MCTP1: variants seen among roughly 807,000 people sequenced by gnomAD.
MCTP1 encodes the protein multiple C2 and transmembrane domain containing 1.
In MCTP1, 69 loss-of-function variants were observed where a neutral mutation model predicts 120.6. That is an observed-to-expected ratio of 0.57 (90% CI 0.47 to 0.70). The LOEUF (loss-of-function observed/expected upper bound fraction) is 0.70, where lower values mean the gene tolerates loss of function less well. Among genes scored for constraint, MCTP1 ranks in the 30% least tolerant of loss-of-function variants. The pLI is 0.00. For missense variants in MCTP1, 1,203 were observed against 1,248.8 expected (o/e 0.96, Z 0.55); for synonymous variants, 529 against 493.1 (o/e 1.07, Z -0.96).
chr5:94,753,727 T>G (rs2152814646), intron 19 of MCTP1, among the ~76,000 whole-genome samples: 1 of 152,336 alleles, frequency 6.6e-6, no homozygotes, highest in East Asian at 1.9e-4. Context: ...GTATTGAAAC[T>G]ACCTTTTTAA....
chr5:94,779,139 C>T lies in MCTP1; in HGVS notation c.2581G>A (p.Glu861Lys), dbSNP rs557520898. The change falls in exon 19 of 23, where the codon GAG (glutamate) becomes AAG (lysine). Residue 861 changes from glutamate to lysine, a missense_variant. Glu to Lys is a moderately conservative substitution (Grantham distance 56). Transcript: ENST00000515393. ...DTVVEDMLEDEEEEDDKDDKD... is the reference protein window; with the variant it reads ...DTVVEDMLEDKEEEDDKDDKD... The stretch of plus-strand genomic sequence containing the variant: ...TCATCTTTGTCATCTTCTTCTTCCT[C>T]GTCCTCTAGCATGTCCTCCACTACC... The T allele has an allele frequency of 1.1e-4, 185 of 1,613,690 alleles. No homozygotes were observed. Among genetic ancestry groups the T allele is most frequent in the Admixed American group, 1.5e-4 (9 of 59,988 alleles).
At chr5:95,020,734 T>C (rs1453575412) in intron 1 of MCTP1, among the ~76,000 whole-genome samples, 4 of 152,062 alleles carry the variant, frequency 2.6e-5, no homozygotes, top group Non-Finnish European at 2.9e-5. Flanking sequence ...TTAAGTTTTA[T>C]GTATCTTCTA....
At chr5:94,726,581 G>GT (rs5869645) in intron 19 of MCTP1, among the ~76,000 whole-genome samples, 2 of 151,518 alleles carry the variant, frequency 1.3e-5, no homozygotes, top group East Asian at 1.9e-4. Context: ...GGCCCGCAAA[G>GT]TTTTTTTTTT....
rs571745873 is a variant in MCTP1 at position 94,849,185 on chromosome 5, C to T, written c.2436+19148G>A. On this transcript the variant is annotated intron_variant, in intron 17 of 22. Transcript: ENST00000515393. ...AAATATAATGGAATTAGACACTCATCGGTGTGAATTAAAATATATTGATAG... is the reference window on the plus strand; with the variant it reads ...AAATATAATGGAATTAGACACTCATTGGTGTGAATTAAAATATATTGATAG... Among the ~76,000 whole-genome samples, 14 of 152,020 alleles carry T rather than the reference C, an allele frequency of 9.2e-5. No individual in the cohort carries two copies. In the South Asian group the frequency reaches 2.5e-3, roughly 27 times the overall value.
rs1298179627 is a variant in MCTP1, at chr5:95,195,399, G to GT, written c.720+88456_720+88457insA. 8.1e-4 allele frequency among the ~76,000 whole-genome samples: 124 copies of GT among 152,274 alleles called. No homozygotes were observed. The Middle Eastern group carries it at 0.017, about 21-fold the overall frequency. ...GACGGTGTTTCATGTCTGTTTCTGA[G>GT]GAGACCAGGGGTACTGTGACAGACA... On this transcript the variant is annotated intron_variant, in intron 1 of 22. Transcript: ENST00000515393.
At chr5:95,203,394 G>A (rs1174371608) in intron 1 of MCTP1, among the ~76,000 whole-genome samples, 2 of 152,142 alleles carry the variant, frequency 1.3e-5, no homozygotes, top group African/African-American at 4.8e-5. Context: ...GTATAATTAA[G>A]GTAAAGATCT....
intron 17 of MCTP1, among the ~76,000 whole-genome samples, chr5:94,838,348 A>G (rs889400965): frequency 2.0e-5 from 3 of 152,228 alleles, no homozygotes; most frequent in African/African-American, 7.2e-5. Flanking sequence ...TTGATACATA[A>G]GAGTTACTTG....
intron 18 of MCTP1, chr5:94,789,272 C>A (rs1208323669): frequency 1.3e-5 from 2 of 152,204 alleles, no homozygotes; most frequent in Non-Finnish European, 2.9e-5. Flanking sequence ...AGGGCAACTA[C>A]CACTAACTTT....
At chr5:94,921,269 G>C (rs1398711118) in intron 7 of MCTP1, among the ~76,000 whole-genome samples, 1 of 152,176 alleles carries the variant, frequency 6.6e-6, no homozygotes, top group East Asian at 1.9e-4. Flanking sequence ...CTAAGATAGT[G>C]TTTTGATGAA....
rs375723457 is a variant in MCTP1, at chr5:94,780,890, T to C, written c.2557-1727A>G. Among the ~76,000 whole-genome samples, 14 of 152,290 alleles carry C rather than the reference T, an allele frequency of 9.2e-5. No homozygotes were observed. The East Asian group carries it at 1.5e-3, about 17-fold the overall frequency. Reference sequence around the variant, plus strand: ...GATAAGCTTTCATGTTAACCTTTCATTTCCTCACATTTAAAGTATTCACAT... The same window carrying C: ...GATAAGCTTTCATGTTAACCTTTCACTTCCTCACATTTAAAGTATTCACAT... On this transcript the variant is annotated intron_variant, in intron 18 of 22. Coordinates refer to ENST00000515393, the MANE Select transcript of MCTP1 (RefSeq NM_024717.7).
chr5:94,981,651 G>C (rs1317150185), intron 2 of MCTP1, among the ~76,000 whole-genome samples: 1 of 152,144 alleles, frequency 6.6e-6, no homozygotes, highest in Non-Finnish European at 1.5e-5. Context: ...TAAAGGCGTG[G>C]TGGTCAGAGG....
chr5:94,708,492 T>TA lies in MCTP1; in HGVS notation c.2928+19dup. ...CACTACATTAAAATAATAGCAATAATAATAACGAAACCTACATACCACTTG... is the reference window on the plus strand; with the variant it reads ...CACTACATTAAAATAATAGCAATAATAAATAACGAAACCTACATACCACTTG... On this transcript the variant is annotated intron_variant, in intron 22 of 22. Coordinates refer to ENST00000515393, the MANE Select transcript of MCTP1 (RefSeq NM_024717.7). 1 of 1,422,522 alleles carries TA rather than the reference T, an allele frequency of 7.0e-7. No individual in the cohort carries two copies. Among genetic ancestry groups the TA allele is most frequent in the Non-Finnish European group, 9.9e-7 (1 of 1,009,502 alleles). 88.1% of individuals were successfully genotyped at this position (1,422,522 alleles called of 1,614,324 possible). A position where few individuals can be genotyped will look rare whatever the true frequency, so the allele number is the denominator to read the frequency against.
chr5:95,158,122 A>G (rs987428863), intron 1 of MCTP1, among the ~76,000 whole-genome samples: 2 of 152,194 alleles, frequency 1.3e-5, no homozygotes, highest in African/African-American at 4.8e-5. Flanking sequence ...CACAACGAAA[A>G]TGTTACATAT....
intron 19 of MCTP1, among the ~76,000 whole-genome samples, chr5:94,739,013 A>G (rs1333820289): frequency 6.6e-6 from 1 of 152,236 alleles, no homozygotes; most frequent in Non-Finnish European, 1.5e-5. Flanking sequence ...ATGTATCTGC[A>G]TATTTGGTGA....
intron 1 of MCTP1, among the ~76,000 whole-genome samples, chr5:95,155,797 T>G (rs1426999186): frequency 1.3e-5 from 2 of 152,090 alleles, no homozygotes; most frequent in Non-Finnish European, 2.9e-5. Flanking sequence ...ATATCCCCTT[T>G]CCCCCAAGTG....
intron 10 of MCTP1, among the ~76,000 whole-genome samples, chr5:94,905,605 G>C (rs1806631384): frequency 1.3e-5 from 2 of 152,278 alleles, no homozygotes; most frequent in East Asian, 1.9e-4. Flanking sequence ...ATGAGAGTGA[G>C]AGAAAGAAAG....
chr5:95,207,209 A>G (rs892864666), intron 1 of MCTP1, among the ~76,000 whole-genome samples: 1 of 152,196 alleles, frequency 6.6e-6, no homozygotes, highest in African/African-American at 2.4e-5. Context: ...TGTTAATAGA[A>G]GAATCTGGCA....
chr5:94,711,409 T>C (rs1756940665), intron 20 of MCTP1, among the ~76,000 whole-genome samples: 1 of 152,104 alleles, frequency 6.6e-6, no homozygotes, highest in African/African-American at 2.4e-5. Flanking sequence ...AAAAATCCTC[T>C]GAATGTTAGA....
In MCTP1 at chr5:94,730,376, C is replaced by T. The variant is rs182422997; in HGVS notation, c.2611-15490G>A. Among the ~76,000 whole-genome samples the T allele has an allele frequency of 1.1e-4, 16 of 152,290 alleles. No individual in the cohort carries two copies. The East Asian group carries it at 1.9e-3, about 18-fold the overall frequency. On this transcript the variant is annotated intron_variant, in intron 19 of 22. Transcript: ENST00000515393. ...GTCTTGCCATGTTGCCCAGGCTGGT[C>T]TCGAACTCAAGCAATCCTCCTGCCT... is the stretch of plus-strand genomic sequence containing the variant.
Sources: allele counts gnomAD v4.1 joint callset (sites outside exome capture counted in the v4.1 genomes callset), GRCh38; gene constraint gnomAD v4.1.1; transcripts MANE v1.5; gene names NCBI Gene and HGNC (gene_info 2026-07-23, HGNC 2026-07-21).